The following SEC14L1 variants were observed in gnomAD, a reference collection of about 807,000 sequenced individuals.
SEC14L1 encodes SEC14-like protein 1.
Under a neutral mutation model 85.3 loss-of-function variants are expected in SEC14L1, and 48 were observed. That is an observed-to-expected ratio of 0.56 (90% CI 0.45 to 0.72). The LOEUF (loss-of-function observed/expected upper bound fraction) is 0.72. Ranked by LOEUF, SEC14L1 falls within the 30% of genes least tolerant of loss-of-function variation. SEC14L1 has a pLI of 0.00. For synonymous variants in SEC14L1, 391 were observed against 355.5 expected (o/e 1.10, Z -1.12); for missense variants, 682 against 921.4 (o/e 0.74, Z 3.36).
intron 3 of SEC14L1, among the ~76,000 whole-genome samples, chr17:77,174,081 A>T (rs1263637638): frequency 6.6e-6 from 1 of 151,054 alleles, no homozygotes; most frequent in African/African-American, 2.4e-5. Flanking sequence ...TTTGTATTTT[A>T]TTTATTTATT....
At chr17:77,135,957 C>T (rs1418505211) in intron 3 of SEC14L1, among the ~76,000 whole-genome samples, 2 of 152,100 alleles carry the variant, frequency 1.3e-5, no homozygotes, top group East Asian at 1.9e-4. Flanking sequence ...ACTGCAAGCT[C>T]CATCTCCCGG....
chr17:77,091,132 G>C (rs1397700915), intron 2 of SEC14L1, among the ~76,000 whole-genome samples: 2 of 152,150 alleles, frequency 1.3e-5, no homozygotes. Context: ...CTGTCTCCCA[G>C]GTTGGAGTGC....
intron 3 of SEC14L1, among the ~76,000 whole-genome samples, chr17:77,153,306 A>T (rs1328130718): frequency 6.6e-6 from 1 of 152,182 alleles, no homozygotes; most frequent in Non-Finnish European, 1.5e-5. Flanking sequence ...ACCTCAAGTG[A>T]TCCACCCTCC....
At position 77,213,736 on chromosome 17, in the gene SEC14L1, G is replaced by T; in HGVS notation, c.2043-182G>T. ...CTTTAGCTCACACTGCCGTCTGCGT[G>T]CAGGCTGTGGGAAGCCGGTCCCCCT... is the stretch of plus-strand genomic sequence containing the variant. On this transcript the variant is annotated intron_variant, in intron 16 of 16. Coordinates refer to ENST00000436233, the MANE Select transcript of SEC14L1 (RefSeq NM_001143998.2). The surrounding 1 kb of genome is among the most constrained non-coding windows in gnomAD (Gnocchi z 7.1). 1 of 885,992 alleles carries T rather than the reference G, an allele frequency of 1.1e-6. No individual in the cohort carries two copies. Among genetic ancestry groups the T allele is most frequent in the Non-Finnish European group, 1.8e-6 (1 of 551,356 alleles). 54.9% of individuals were successfully genotyped at this position (885,992 alleles called of 1,614,324 possible).
intron 9 of SEC14L1, among the ~76,000 whole-genome samples, chr17:77,202,942 A>T (rs145663279): frequency 0.031 from 4,665 of 151,630 alleles, 108 homozygotes; most frequent in Non-Finnish European, 0.044. Context: ...AAAATAAAAA[A>T]AAAAAAAAAA....
intron 3 of SEC14L1, among the ~76,000 whole-genome samples, chr17:77,183,248 G>A (rs1436844765): frequency 6.6e-6 from 1 of 152,166 alleles, no homozygotes; most frequent in Non-Finnish European, 1.5e-5. Flanking sequence ...TTTTTATTAT[G>A]AGTAATGCTC....
rs1976464166 is a variant in SEC14L1 at position 77,206,396 on chromosome 17, C to A, written c.1337C>A (p.Thr446Lys). 1 of 1,613,312 alleles carries A rather than the reference C, an allele frequency of 6.2e-7. No homozygotes were observed. The highest frequency in any genetic ancestry group is 8.5e-7 in the Non-Finnish European group (1 of 1,179,538). The part of the protein sequence containing the change: ...RAPRVFPVLW[T>K]LVSPFIDDNT... ...CCCAGGGTATTTCCTGTGCTCTGGA[C>A]GCTGGTGGGTTGAGATGCTTTTTGC... is the stretch of plus-strand genomic sequence containing the variant. Residue 446 changes from threonine (T) to lysine (K), a missense_variant, in exon 12 of 17, where the codon ACG becomes AAG. By Grantham distance (78) the Thr-to-Lys change is moderately conservative (BLOSUM62 -1). Around this residue, in one of 3 missense-constraint regions of SEC14L1, gnomAD observed 420 missense variants for 619.5 expected, o/e 0.68. Transcript: ENST00000436233. This position sits in a 1 kb window ranked among gnomAD's most constrained non-coding sequence, Gnocchi z 4.3.
Position 77,216,147 on chromosome 17 carries a change from T to C in SEC14L1, c.*2124T>C, listed in dbSNP as rs1440124417. ...TAGTAGGTAGGGCTAGTAGGTAGGG[T>C]TCGTAGGTAGGGTTCGTAGGTAGGG... On this transcript the variant is annotated 3_prime_UTR_variant, in exon 17 of 17. Coordinates refer to ENST00000436233, the MANE Select transcript of SEC14L1 (RefSeq NM_001143998.2). 14 of 972,216 alleles carry C rather than the reference T, an allele frequency of 1.4e-5. 1 individual carries two copies. Among genetic ancestry groups the C allele is most frequent in the Admixed American group, 7.8e-5 (1 of 12,778 alleles). The allele number at this position is 972,216 out of a possible 1,614,324, so 60.2% of individuals were successfully genotyped here.
chr17:77,165,178 A>G (rs1266450949), intron 3 of SEC14L1, among the ~76,000 whole-genome samples: 1 of 152,226 alleles, frequency 6.6e-6, no homozygotes, highest in Non-Finnish European at 1.5e-5. Context: ...ATACGTAGCT[A>G]ATCAATGAAT....
chr17:77,184,591 T>C (rs141598598), intron 3 of SEC14L1, among the ~76,000 whole-genome samples: 292 of 152,338 alleles, frequency 1.9e-3, no homozygotes, highest in Non-Finnish European at 3.4e-3. Flanking sequence ...CCCTTGGGCA[T>C]ATGCCCATCT....
chr17:77,185,262 T>C, intron 3 of SEC14L1: 4 of 985,320 alleles, frequency 4.1e-6, no homozygotes, highest in Non-Finnish European at 3.6e-6. Flanking sequence ...GTGGAGGGAG[T>C]AAGGGAGGCG....
At chr17:77,096,189 G>A (rs1324855804) in intron 3 of SEC14L1, among the ~76,000 whole-genome samples, 2 of 151,356 alleles carry the variant, frequency 1.3e-5, no homozygotes, top group African/African-American at 2.4e-5. Flanking sequence ...GAGCCATCAC[G>A]CCTGGCTACA....
At chr17:77,194,551 C>CAAA in intron 6 of SEC14L1, 126 bp from the exon 7 acceptor site, 5 of 593,724 alleles carry the variant, frequency 8.4e-6, no homozygotes, top group South Asian at 2.1e-5. Flanking sequence ...GACCCTGTCT[C>CAAA]AAAAAAAAAA....
At chr17:77,210,793 C>G (rs555237335) in intron 14 of SEC14L1, 3 of 152,336 alleles carry the variant, frequency 2.0e-5, no homozygotes, top group Admixed American at 6.5e-5. Context: ...GTCCATGTTT[C>G]AAGAACTTGG....
At chr17:77,185,576 C>G (rs774725080) in intron 3 of SEC14L1, among the ~76,000 whole-genome samples, 12 of 152,208 alleles carry the variant, frequency 7.9e-5, no homozygotes, top group Non-Finnish European at 1.2e-4. Context: ...AAGGCTACCT[C>G]TTAGTAAGTG....
At chr17:77,129,498 C>T (rs1972550603) in intron 3 of SEC14L1, among the ~76,000 whole-genome samples, 1 of 152,078 alleles carries the variant, frequency 6.6e-6, no homozygotes, top group East Asian at 1.9e-4. Context: ...TGTAGGGTGC[C>T]TGGTTATGGG....
chr17:77,210,231 G>T (rs889608370), intron 14 of SEC14L1: 3 of 152,286 alleles, frequency 2.0e-5, no homozygotes, highest in African/African-American at 7.2e-5. Context: ...GAGCAAGGAG[G>T]GTGTTCCTGT....
chr17:77,095,386 A>G (rs1971617846), intron 3 of SEC14L1, among the ~76,000 whole-genome samples: 1 of 152,180 alleles, frequency 6.6e-6, no homozygotes, highest in African/African-American at 2.4e-5. Context: ...CAGTGACAGA[A>G]GCTGAGGCTG....
Position 77,190,983 on chromosome 17 carries a change from AAGGGCGTCCTGGTGGGAG to A in SEC14L1, c.213+62_213+79del, listed in dbSNP as rs1243727493. ...GGTCGGAAAGGACGTCTTGGAGGGA[AAGGGCGTCCTGGTGGGAG>A]AGGGCGTCCTGGTGGGAGAGGGCGT... On this transcript the variant is annotated intron_variant, in intron 4 of 16. Coordinates refer to ENST00000436233, the MANE Select transcript of SEC14L1 (RefSeq NM_001143998.2). 509 of 1,608,314 alleles carry A rather than the reference AAGGGCGTCCTGGTGGGAG, an allele frequency of 3.2e-4. 1 individual carries two copies. The highest frequency in any genetic ancestry group is 9.7e-4 in the Admixed American group (58 of 59,802).
Sources: allele counts gnomAD v4.1 joint callset (sites outside exome capture counted in the v4.1 genomes callset), GRCh38; gene constraint gnomAD v4.1.1; regional missense constraint gnomAD v4.1.1; non-coding constraint Gnocchi (gnomAD v3.1); transcripts MANE v1.5; gene names NCBI Gene and HGNC (gene_info 2026-07-23, HGNC 2026-07-21).